The following ALK variants were observed in gnomAD, a reference collection of about 807,000 sequenced individuals.
ALK encodes ALK receptor tyrosine kinase.
A neutral mutation model predicts 163.1 loss-of-function variants in ALK; 74 were observed. The observed-to-expected ratio is 0.45, with a 90% CI of 0.38 to 0.55. The LOEUF (loss-of-function observed/expected upper bound fraction) is 0.55, where lower values mean the gene tolerates loss of function less well. ALK is among the 20% of genes least tolerant of loss of function. The probability of loss-of-function intolerance (pLI) is 0.00; values close to 1 mark genes in which losing one functional copy is unlikely to be tolerated. For synonymous variants in ALK, 960 were observed against 843.2 expected, an observed-to-expected ratio of 1.14 and a Z score of -2.40; for missense variants, 2,063 against 2,105.3, an observed-to-expected ratio of 0.98 and a Z score of 0.39.
At chr2:29,719,629 C>T (rs1035005681) in intron 1 of ALK, among the ~76,000 whole-genome samples, 1 of 152,092 alleles carries the variant, frequency 6.6e-6, no homozygotes, top group Non-Finnish European at 1.5e-5. Flanking sequence ...TTTATTTGTC[C>T]TCATTTTGCA....
chr2:29,664,665 A>G (rs1358889451), intron 3 of ALK, among the ~76,000 whole-genome samples: 1 of 152,152 alleles, frequency 6.6e-6, no homozygotes, highest in Non-Finnish European at 1.5e-5. Flanking sequence ...TTCTAAACCT[A>G]TCTTTCCATC....
chr2:29,590,375 T>A (rs940119675), intron 3 of ALK, among the ~76,000 whole-genome samples: 31 of 152,168 alleles, frequency 2.0e-4, no homozygotes, highest in African/African-American at 7.0e-4. Context: ...GTTAAAAAAA[T>A]TTTTTACCTT....
chr2:29,636,351 GA>G (rs1676530155), intron 3 of ALK, among the ~76,000 whole-genome samples: 2 of 18,990 alleles, frequency 1.1e-4, no homozygotes, highest in South Asian at 3.1e-3. Flanking sequence ...GAAAAGAAAA[GA>G]AAAGAAAAGA....
intron 3 of ALK, among the ~76,000 whole-genome samples, chr2:29,560,735 C>T (rs1247181048): frequency 6.6e-6 from 1 of 151,992 alleles, no homozygotes; most frequent in Non-Finnish European, 1.5e-5. Flanking sequence ...CCATGCCTGG[C>T]TAATTTTGGT....
intron 1 of ALK, among the ~76,000 whole-genome samples, chr2:29,906,165 A>C (rs1187095656): frequency 6.6e-6 from 1 of 152,108 alleles, no homozygotes; most frequent in Non-Finnish European, 1.5e-5. Context: ...CTCAGTGAGC[A>C]CTGTGAAACC....
chr2:29,288,056 G>A (rs1480456909), intron 9 of ALK, among the ~76,000 whole-genome samples: 4 of 152,002 alleles, frequency 2.6e-5, no homozygotes, highest in African/African-American at 9.7e-5. Context: ...CACACTCATG[G>A]GGGTGGGAGG....
intron 9 of ALK, among the ~76,000 whole-genome samples, chr2:29,291,345 C>G (rs1241028477): frequency 2.6e-5 from 4 of 152,016 alleles, no homozygotes; most frequent in Non-Finnish European, 5.9e-5. Context: ...GCCTGGGTGA[C>G]AGAGTGAGGC....
chr2:29,842,806 T>A (rs1365570237), intron 1 of ALK, among the ~76,000 whole-genome samples: 2 of 152,282 alleles, frequency 1.3e-5, no homozygotes, highest in Admixed American at 6.5e-5. Context: ...TGCGCAAACA[T>A]CCATTCCAGC....
intron 1 of ALK, among the ~76,000 whole-genome samples, chr2:29,832,434 A>G (rs1665444432): frequency 6.6e-6 from 1 of 152,312 alleles, no homozygotes; most frequent in Admixed American, 6.5e-5. Context: ...GATGCACAAC[A>G]ACCAAGAAGC....
At chr2:29,773,654 C>A (rs568096775) in intron 1 of ALK, among the ~76,000 whole-genome samples, 1 of 152,282 alleles carries the variant, frequency 6.6e-6, no homozygotes, top group Admixed American at 6.5e-5. Flanking sequence ...AACATCCATC[C>A]ATTGAGATGG....
intron 3 of ALK, among the ~76,000 whole-genome samples, chr2:29,611,284 T>C (rs987674691): frequency 2.6e-5 from 4 of 152,184 alleles, no homozygotes; most frequent in African/African-American, 9.7e-5. Flanking sequence ...AAGAACTTTC[T>C]CTGGCTCTCC....
At chr2:29,881,589 G>A (rs867636037) in intron 1 of ALK, among the ~76,000 whole-genome samples, 5 of 152,114 alleles carry the variant, frequency 3.3e-5, no homozygotes, top group Admixed American at 1.3e-4. Context: ...CTGTCTCCCC[G>A]CCTCCTGCGT....
intron 1 of ALK, among the ~76,000 whole-genome samples, chr2:29,789,844 A>T (rs1664142343): frequency 6.6e-6 from 1 of 152,214 alleles, no homozygotes; most frequent in South Asian, 2.1e-4. Context: ...CAGGTGATTA[A>T]CATTTGGCCG....
intron 1 of ALK, among the ~76,000 whole-genome samples, chr2:29,736,892 T>C (rs1474019849): frequency 6.6e-6 from 1 of 152,122 alleles, no homozygotes; most frequent in Non-Finnish European, 1.5e-5. Flanking sequence ...TTTTTATTAA[T>C]TGAATTGCTA....
At chr2:29,773,304 T>G (rs1357441498) in intron 1 of ALK, among the ~76,000 whole-genome samples, 1 of 152,134 alleles carries the variant, frequency 6.6e-6, no homozygotes, top group Non-Finnish European at 1.5e-5. Context: ...AGCACACCAG[T>G]GTACCTATAA....
chr2:29,891,786 G>A (rs1667154598), intron 1 of ALK, among the ~76,000 whole-genome samples: 1 of 152,146 alleles, frequency 6.6e-6, no homozygotes, highest in South Asian at 2.1e-4. Context: ...TGATAAGGAA[G>A]GTCAGTGCCA....
At chr2:29,587,077 C>A (rs1167936664) in intron 3 of ALK, among the ~76,000 whole-genome samples, 2 of 152,142 alleles carry the variant, frequency 1.3e-5, no homozygotes, top group East Asian at 3.9e-4. Context: ...GAAAGTTAGC[C>A]TAGGGCCTTT....
At chr2:29,857,317 C>A (rs1160790511) in intron 1 of ALK, among the ~76,000 whole-genome samples, 1 of 152,130 alleles carries the variant, frequency 6.6e-6, no homozygotes, top group Non-Finnish European at 1.5e-5. Context: ...TCAATTAAAA[C>A]TCAGGGAATT....
intron 3 of ALK, among the ~76,000 whole-genome samples, chr2:29,604,973 A>C (rs568646600): frequency 3.3e-5 from 5 of 152,214 alleles, no homozygotes. Context: ...GCCAATAAAT[A>C]TAGGTGATAT....
Sources: gnomAD v4.1 joint callset for allele counts (sites outside exome capture counted in the v4.1 genomes callset) on GRCh38, gnomAD v4.1.1 for gene constraint, MANE v1.5 for transcripts, NCBI Gene and HGNC (gene_info 2026-07-23, HGNC 2026-07-21) for gene names.